AGAP4: variants seen among roughly 807,000 people sequenced by gnomAD.
AGAP4 encodes arf-GAP with GTPase, ANK repeat and PH domain-containing protein 4.
A neutral mutation model predicts 60.7 loss-of-function variants in AGAP4; 13 were observed. That is an observed-to-expected ratio of 0.21 (90% CI 0.14 to 0.34). The LOEUF is 0.34. AGAP4 is among the 10% of genes least tolerant of loss of function. AGAP4 has a pLI of 1.00. For missense variants in AGAP4, 169 were observed against 884.0 expected (o/e 0.19, Z 10.26); for synonymous variants, 70 against 339.0 (o/e 0.21, Z 8.72).
upstream of AGAP4, chr10:45,847,521 G>A (rs1325670737): frequency 3.5e-4 from 532 of 1,508,802 alleles, no homozygotes; most frequent in Non-Finnish European, 3.9e-4. Context: ...CCCTGGCCCC[G>A]GCCCCGGCTA....
At chr10:45,844,010 T>C (rs1352912475) in intron 3 of AGAP4, among the ~76,000 whole-genome samples, 1 of 149,944 alleles carries the variant, frequency 6.7e-6, no homozygotes, top group Admixed American at 6.6e-5. Flanking sequence ...AAAGGGATTG[T>C]AAATAAAGAT....
chr10:45,835,011 G>A (rs1346168243), intron 4 of AGAP4, among the ~76,000 whole-genome samples: 4 of 146,194 alleles, frequency 2.7e-5, no homozygotes, highest in Admixed American at 6.7e-5. Flanking sequence ...CTCACCTCGC[G>A]ATCTGCCTGC....
chr10:45,847,554 C>A (rs1338312719), upstream of AGAP4: 10 of 1,446,188 alleles, frequency 6.9e-6, 1 homozygote, highest in African/African-American at 4.5e-5. Flanking sequence ...AAGGCCCGCA[C>A]CCTGCTGCCT....
chr10:45,843,030 C>T lies in AGAP4; in HGVS notation c.361+1296G>A, dbSNP rs1214688119. Among the ~76,000 whole-genome samples the T allele has an allele frequency of 2.2e-4, 19 of 85,204 alleles. 5 individuals carry two copies. Among genetic ancestry groups the T allele is most frequent in the Non-Finnish European group, 3.3e-4 (14 of 42,746 alleles). The allele number at this position is 85,204 out of a possible 152,430, so 55.9% of individuals were successfully genotyped here. A position where few individuals can be genotyped will look rare whatever the true frequency, so the allele number is the denominator to read the frequency against. On this transcript the variant is annotated intron_variant, in intron 3 of 7. Coordinates refer to ENST00000616763, the MANE Select transcript of AGAP4 (RefSeq NM_001276343.3). The stretch of plus-strand genomic sequence containing the variant: ...CTGTGGTACTGGCCAGGTGCGGTGG[C>T]TGAAGCCTGTAATCCCAGCACTTTG...
intron 1 of AGAP4, chr10:45,853,535 G>A (rs1376002888): frequency 8.6e-7 from 1 of 1,169,418 alleles, no homozygotes; most frequent in African/African-American, 1.6e-5. Context: ...AAATACATAT[G>A]CTCAGATTTA....
chr10:45,848,842 C>T (rs1252834590), upstream of AGAP4: 1 of 151,562 alleles, frequency 6.6e-6, no homozygotes, highest in African/African-American at 2.4e-5. Context: ...AGGAAACTTA[C>T]AATCATGGCA....
intron 5 of AGAP4, among the ~76,000 whole-genome samples, chr10:45,832,144 A>C (rs1161770086): frequency 7.1e-6 from 1 of 140,628 alleles, no homozygotes; most frequent in African/African-American, 2.6e-5. Flanking sequence ...GGTCTACACA[A>C]TATTAGCACT....
intron 4 of AGAP4, among the ~76,000 whole-genome samples, chr10:45,834,479 T>G (rs2058780045): frequency 7.5e-6 from 1 of 133,102 alleles, no homozygotes; most frequent in Non-Finnish European, 1.5e-5. Context: ...ATCGAGACCA[T>G]CCTGGCTAAC....
intron 4 of AGAP4, among the ~76,000 whole-genome samples, chr10:45,840,042 TAAAA>T (rs71270701): frequency 6.9e-6 from 1 of 144,018 alleles, no homozygotes; most frequent in Admixed American, 6.9e-5. Flanking sequence ...ACAGAGAAAA[TAAAA>T]AAAAAAATTC....
chr10:45,831,476 G>C (rs2058731083), intron 5 of AGAP4, 47 bp from the exon 6 acceptor site: 2 of 1,582,476 alleles, frequency 1.3e-6, no homozygotes, highest in Non-Finnish European at 8.6e-7. Context: ...ACATTTGTTA[G>C]GCCTGAAGAC....
At chr10:45,839,293 A>C (rs1318990021) in intron 4 of AGAP4, among the ~76,000 whole-genome samples, 1 of 121,600 alleles carries the variant, frequency 8.2e-6, no homozygotes, top group Non-Finnish European at 1.8e-5. Context: ...TTGTGAACTT[A>C]CAGGCAAATG....
chr10:45,836,218 C>G (rs1349289314), intron 4 of AGAP4, among the ~76,000 whole-genome samples: 48 of 147,686 alleles, frequency 3.3e-4, no homozygotes, highest in Admixed American at 5.4e-4. Context: ...GGTCTATTCC[C>G]AAGTATTTTA....
exon 1 of AGAP4, chr10:45,853,789 C>G (rs1564867517): frequency 1.6e-6 from 2 of 1,287,544 alleles, no homozygotes; most frequent in Non-Finnish European, 2.0e-6. Flanking sequence ...GTGAAGGCAT[C>G]TTAGACAAGA....
At chr10:45,841,269 CT>C (rs1166256177) in intron 4 of AGAP4, among the ~76,000 whole-genome samples, 2 of 142,344 alleles carry the variant, frequency 1.4e-5, no homozygotes, top group African/African-American at 5.2e-5. Flanking sequence ...CGCCCAGCTA[CT>C]TTTGTATTTT....
chr10:45,850,611 G>T (rs1260769882), upstream of AGAP4, among the ~76,000 whole-genome samples: 5 of 152,258 alleles, frequency 3.3e-5, no homozygotes, highest in Non-Finnish European at 7.3e-5. Context: ...GCAGAGTAAT[G>T]CTAAGGGCAG....
chr10:45,849,928 G>T (rs1259852313), upstream of AGAP4, among the ~76,000 whole-genome samples: 2 of 150,166 alleles, frequency 1.3e-5, no homozygotes, highest in African/African-American at 4.9e-5. Context: ...ATTTTTAAAA[G>T]AATTTTTTTT....
At chr10:45,834,705 T>G (rs1401620882) in intron 4 of AGAP4, among the ~76,000 whole-genome samples, 2 of 120,170 alleles carry the variant, frequency 1.7e-5, no homozygotes, top group Admixed American at 8.4e-5. Flanking sequence ...AAAAGAAAAG[T>G]TTAAAATAAG....
chr10:45,853,931 T>C (rs1156358389), upstream of AGAP4: 6 of 1,178,508 alleles, frequency 5.1e-6, no homozygotes, highest in Non-Finnish European at 6.4e-6. Flanking sequence ...TCACGTAAGT[T>C]CATTCATATA....
At chr10:45,848,011 T>C (rs1259705675), upstream of AGAP4, 13 of 1,003,798 alleles carry the variant, frequency 1.3e-5, no homozygotes, top group South Asian at 3.8e-4. Flanking sequence ...ATGAGTTCTA[T>C]ACAAAGCCTC....
Sources: allele counts gnomAD v4.1 joint callset (sites outside exome capture counted in the v4.1 genomes callset), GRCh38; gene constraint gnomAD v4.1.1; transcripts MANE v1.5; gene names NCBI Gene and HGNC (gene_info 2026-07-23, HGNC 2026-07-21).